SYNE3: variants seen among roughly 807,000 people sequenced by gnomAD.
SYNE3 encodes the protein nesprin-3.
SYNE3 carries 100 observed loss-of-function variants against 111.2 expected under a neutral mutation model. The observed-to-expected ratio is 0.90, with a 90% confidence interval of 0.77 to 1.06. The LOEUF is 1.06. Among genes scored for constraint, SYNE3 ranks in the 50% least tolerant of loss-of-function variants. The pLI, the probability that SYNE3 is intolerant of heterozygous loss-of-function variation, is 0.00. For missense variants in SYNE3, 1,160 were observed against 1,240.3 expected, an observed-to-expected ratio of 0.94 and a Z score of 0.97; for synonymous variants, 547 against 533.9, an observed-to-expected ratio of 1.02 and a Z score of -0.34.
intron 4 of SYNE3, among the ~76,000 whole-genome samples, chr14:95,465,162 A>C (rs1419372625): frequency 6.6e-6 from 1 of 151,962 alleles, no homozygotes; most frequent in African/African-American, 2.4e-5. Context: ...CTGAAGGAGA[A>C]GGATTAAAGG....
At chr14:95,433,090 T>A (rs1406916950) in intron 16 of SYNE3, among the ~76,000 whole-genome samples, 170 bp downstream of exon 16, 1 of 152,188 alleles carries the variant, frequency 6.6e-6, no homozygotes, top group Non-Finnish European at 1.5e-5. Context: ...GTCACCTAAG[T>A]GCCCAGAACC....
At chr14:95,489,600 G>A (rs759977040) in intron 1 of SYNE3, among the ~76,000 whole-genome samples, 2 of 152,290 alleles carry the variant, frequency 1.3e-5, no homozygotes, top group East Asian at 3.9e-4. Flanking sequence ...TGCTTAGTAG[G>A]TACTCAGAAA....
intron 1 of SYNE3, among the ~76,000 whole-genome samples, chr14:95,478,139 C>G (rs1196343501): frequency 1.3e-5 from 2 of 152,112 alleles, no homozygotes; most frequent in African/African-American, 4.8e-5. Context: ...CTCAGACCAA[C>G]CGAACTGTGG....
At chr14:95,433,559 G>T (rs145456418) in intron 15 of SYNE3, 150 bp from the exon 16 acceptor site, 4 of 1,147,790 alleles carry the variant, frequency 3.5e-6, no homozygotes, top group Middle Eastern at 2.9e-4. Context: ...TCCCATCTGT[G>T]CAATTCAAGC....
At chr14:95,510,161 A>C (rs1448685758) in intron 1 of SYNE3, among the ~76,000 whole-genome samples, 1 of 152,184 alleles carries the variant, frequency 6.6e-6, no homozygotes, top group East Asian at 1.9e-4. Context: ...TACCCATGTA[A>C]AGTTCTCTCT....
chr14:95,491,975 A>C (rs935971636), intron 1 of SYNE3, among the ~76,000 whole-genome samples: 22 of 152,248 alleles, frequency 1.4e-4, no homozygotes, highest in Non-Finnish European at 1.5e-5. Context: ...TCATACCTAC[A>C]TCTAAGATGG....
At chr14:95,510,078 T>G (rs1184765925) in intron 1 of SYNE3, among the ~76,000 whole-genome samples, 1 of 152,184 alleles carries the variant, frequency 6.6e-6, no homozygotes, top group Non-Finnish European at 1.5e-5. Flanking sequence ...TCCTAAATAC[T>G]TCTCCAGCGC....
intron 1 of SYNE3, among the ~76,000 whole-genome samples, chr14:95,506,748 C>T (rs992408816): frequency 2.6e-5 from 4 of 152,204 alleles, no homozygotes; most frequent in African/African-American, 9.7e-5. Context: ...GGGAATCCCA[C>T]ATCTGTTATC....
chr14:95,482,971 C>T (rs1889346491), intron 1 of SYNE3, among the ~76,000 whole-genome samples: 1 of 152,174 alleles, frequency 6.6e-6, no homozygotes, highest in South Asian at 2.1e-4. Context: ...TCCCCTGGTG[C>T]CACACAGCTT....
chr14:95,440,889 A>G (rs906309563), intron 11 of SYNE3, among the ~76,000 whole-genome samples: 1 of 152,184 alleles, frequency 6.6e-6, no homozygotes, highest in African/African-American at 2.4e-5. Context: ...AAAAAAAGTA[A>G]TCGAGCTGCA....
In SYNE3 at chr14:95,455,577, G is replaced by A. The variant is rs201816324; in HGVS notation, c.937C>T (p.Arg313Cys). 124 of 1,614,124 alleles carry A rather than the reference G, an allele frequency of 7.7e-5. No individual in the cohort carries two copies. The highest frequency in any genetic ancestry group is 5.6e-4 in the East Asian group (25 of 44,886). The change falls in exon 6 of 18, where the codon CGC becomes TGC. Residue 313 changes from arginine to cysteine, a missense_variant. Transcript: ENST00000682763. ...EEMRKVLEKLRALWEEEEERL... is the reference protein window; with the variant it reads ...EEMRKVLEKLCALWEEEEERL... ...TCCTCCTCCTCCTCCCAGAGGGCGC[G>A]CAGCTTCTCCAGAACTTTCCTCATC...
At position 95,455,646 on chromosome 14, in the gene SYNE3, T is replaced by C. The variant is rs746889351; in HGVS notation, c.868A>G (p.Thr290Ala). Reference sequence around the variant, plus strand: ...ATCTTCTCTGCACCCAAAGGAGAGGTGTTCCGAATGACACCCGCAGACTGC... The same window carrying C: ...ATCTTCTCTGCACCCAAAGGAGAGGCGTTCCGAATGACACCCGCAGACTGC... Reference protein sequence around the residue: ...EEQSAGVIRNTSPLGAEKITG... With the variant: ...EEQSAGVIRNASPLGAEKITG... Residue 290 changes from threonine (T) to alanine (A), a missense_variant, in exon 6 of 18, where the codon ACC (threonine) becomes GCC (alanine). Coordinates refer to ENST00000682763, the MANE Select transcript of SYNE3 (RefSeq NM_152592.6). 1 of 1,614,110 alleles carries C rather than the reference T, an allele frequency of 6.2e-7. No homozygotes were observed.
At chr14:95,502,127 C>A (rs1340293302) in intron 1 of SYNE3, among the ~76,000 whole-genome samples, 1 of 152,278 alleles carries the variant, frequency 6.6e-6, no homozygotes, top group East Asian at 1.9e-4. Flanking sequence ...TGACGCACAC[C>A]ATCCAGGTTT....
chr14:95,500,417 G>A lies in SYNE3; in HGVS notation c.-15+16179C>T, dbSNP rs1446119676. Among the ~76,000 whole-genome samples, 1 of 152,198 alleles carries A rather than the reference G, an allele frequency of 6.6e-6. No homozygotes were observed. Among genetic ancestry groups the A allele is most frequent in the African/African-American group, 2.4e-5 (1 of 41,458 alleles). ...GAAGGGGCTACCCTCAGGAGTGAGTGATACCTTGCAGACGCGTAGGTGTCC... is the reference window on the plus strand; with the variant it reads ...GAAGGGGCTACCCTCAGGAGTGAGTAATACCTTGCAGACGCGTAGGTGTCC... On this transcript the variant is annotated intron_variant, in intron 1 of 17. Transcript: ENST00000682763. This position sits in a 1 kb window ranked among gnomAD's most constrained non-coding sequence, Gnocchi z 4.7.
chr14:95,439,491 C>A lies in SYNE3; in HGVS notation c.2246+121G>T, dbSNP rs1886283725. ...AACTGGGCCAAAGTGTGAAGGTGCC[C>A]ACGGCCCCTGGCTCCACACTGGGCA... On this transcript the variant is annotated intron_variant, in intron 13 of 17. Coordinates refer to ENST00000682763, the MANE Select transcript of SYNE3 (RefSeq NM_152592.6). 13 of 1,327,472 alleles carry A rather than the reference C, an allele frequency of 9.8e-6. No individual in the cohort carries two copies. The South Asian group carries it at 1.4e-4, about 14-fold the overall frequency. The allele number at this position is 1,327,472 out of a possible 1,614,324, so 82.2% of individuals were successfully genotyped here.
intron 17 of SYNE3, among the ~76,000 whole-genome samples, chr14:95,424,205 GC>G (rs1340837086): frequency 6.6e-6 from 1 of 151,528 alleles, no homozygotes; most frequent in African/African-American, 2.4e-5. Flanking sequence ...GGTGCAGAAA[GC>G]CACAGGTGTG....
intron 1 of SYNE3, among the ~76,000 whole-genome samples, chr14:95,479,053 T>C (rs1889064147): frequency 6.6e-6 from 1 of 152,020 alleles, no homozygotes; most frequent in Non-Finnish European, 1.5e-5. Context: ...CCTCTCTGGG[T>C]GTCCATATTC....
intron 4 of SYNE3, among the ~76,000 whole-genome samples, chr14:95,465,670 T>C (rs1198148235): frequency 6.6e-6 from 1 of 151,508 alleles, no homozygotes; most frequent in East Asian, 1.9e-4. Context: ...GTGGGGTAGA[T>C]AGGTGAATGG....
At chr14:95,502,844 G>C (rs1012734773) in intron 1 of SYNE3, among the ~76,000 whole-genome samples, 1 of 152,160 alleles carries the variant, frequency 6.6e-6, no homozygotes, top group African/African-American at 2.4e-5. Flanking sequence ...AAAACTTAAA[G>C]TCTTCCCCAG....
Sources: allele counts gnomAD v4.1 joint callset (sites outside exome capture counted in the v4.1 genomes callset), GRCh38; gene constraint gnomAD v4.1.1; non-coding constraint Gnocchi (gnomAD v3.1); transcripts MANE v1.5; gene names NCBI Gene and HGNC (gene_info 2026-07-23, HGNC 2026-07-21).